Variants in SNX8 observed in about 807,000 individuals in gnomAD.
SNX8 encodes sorting nexin-8.
Under a neutral mutation model 51.6 loss-of-function variants are expected in SNX8, and 25 were observed. That is an observed-to-expected ratio of 0.48 (90% CI 0.35 to 0.68). The LOEUF (loss-of-function observed/expected upper bound fraction) is 0.68, where lower values mean the gene tolerates loss of function less well. Ranked by LOEUF, SNX8 falls within the 30% of genes least tolerant of loss-of-function variation. SNX8 has a pLI of 0.00. For missense variants in SNX8, 695 were observed against 624.0 expected (o/e 1.11, Z -1.21); for synonymous variants, 324 against 277.0 (o/e 1.17, Z -1.68).
intron 1 of SNX8, chr7:2,309,672 G>A (rs775882371): frequency 4.0e-5 from 16 of 400,584 alleles, no homozygotes; most frequent in Non-Finnish European, 5.2e-5. Context: ...AGGAGGTTGC[G>A]GTGAGCCGAG....
chr7:2,310,298 G>A (rs907961320), intron 1 of SNX8, among the ~76,000 whole-genome samples: 33 of 152,032 alleles, frequency 2.2e-4, no homozygotes, highest in African/African-American at 8.0e-4. Flanking sequence ...AGAATGTTCC[G>A]GTCAATCAGA....
chr7:2,321,178 A>T (rs1267354711), intron 1 of SNX8, among the ~76,000 whole-genome samples: 2 of 152,180 alleles, frequency 1.3e-5, no homozygotes, highest in Admixed American at 6.6e-5. Flanking sequence ...CACGCAGAAT[A>T]AAGCCAGGGC....
At chr7:2,275,333 C>T in intron 2 of SNX8, 104 bp from the exon 3 acceptor site, 1 of 774,688 alleles carries the variant, frequency 1.3e-6, no homozygotes, top group African/African-American at 1.7e-5. Flanking sequence ...AGTGCATCTT[C>T]TCTCACCAGG....
intron 5 of SNX8, among the ~76,000 whole-genome samples, chr7:2,267,989 C>T (rs1795516603): frequency 6.7e-6 from 1 of 150,036 alleles, no homozygotes; most frequent in African/African-American, 2.5e-5. Context: ...TGAGGAGCGC[C>T]TCTGCCCGGC....
intron 3 of SNX8, chr7:2,274,875 G>T: frequency 1.9e-6 from 1 of 525,230 alleles, no homozygotes; most frequent in Non-Finnish European, 3.4e-6. Flanking sequence ...TTCCCCACCT[G>T]TCAGTCATGC....
rs529605666 is a variant in SNX8 at position 2,348,588 on chromosome 7, G to A, written c.-66+5634C>T. 2.6e-5 allele frequency among the ~76,000 whole-genome samples: 4 copies of A among 151,574 alleles called. No homozygotes were observed. The East Asian group carries it at 7.9e-4, about 30-fold the overall frequency. The stretch of plus-strand genomic sequence containing the variant: ...GATCTCCTGACCTTGTGATCCACCC[G>A]CCTCAGCCTCCCAAAGTGCTGGGAT... On this transcript the variant is annotated intron_variant, in intron 1 of 5. Transcript: ENST00000435336.
chr7:2,298,690 G>GT (rs1796326720), intron 1 of SNX8, among the ~76,000 whole-genome samples: 1 of 150,700 alleles, frequency 6.6e-6, no homozygotes, highest in Non-Finnish European at 1.5e-5. Context: ...TTTTGTTTTT[G>GT]TTTTTTGTTT....
chr7:2,310,043 C>T (rs1024970737), intron 1 of SNX8: 1 of 368,388 alleles, frequency 2.7e-6, no homozygotes, highest in Non-Finnish European at 5.5e-6. Context: ...GCAAGTGAAG[C>T]GTGACTCACC....
chr7:2,318,612 TTGAACCTGG>T, upstream of SNX8, among the ~76,000 whole-genome samples: 1 of 151,562 alleles, frequency 6.6e-6, no homozygotes, highest in East Asian at 1.9e-4. Flanking sequence ...AGGAGATTGC[TTGAACCTGG>T]GAGGCAGATG....
At position 2,278,226 on chromosome 7, in the gene SNX8, C is replaced by A. The variant is rs539504533; in HGVS notation, c.174G>T (p.Gln58His). Residue 58 changes from glutamine (Q) to histidine (H), a missense_variant, in exon 2 of 11, where the codon CAG becomes CAT. Physicochemically the swap from Gln to His is conservative, Grantham distance 24. Transcript: ENST00000222990. ...TGTGGGACAGCAGCAGCGGGTTCCC[C>A]TGCGGCATCTGCATTCGACTGGGGG... The part of the protein sequence containing the change: ...VPAPSRMQMP[Q>H]GNPLLLSHTL... 6 of 1,612,136 alleles carry A rather than the reference C, an allele frequency of 3.7e-6. No homozygotes were observed. In the African/African-American group the frequency reaches 6.7e-5, roughly 18 times the overall value.
chr7:2,337,923 T>C (rs940831881), intron 1 of SNX8, among the ~76,000 whole-genome samples: 4 of 150,666 alleles, frequency 2.7e-5, no homozygotes, highest in South Asian at 4.2e-4. Flanking sequence ...TTCAAAATTA[T>C]TCCCTTTAAA....
intron 1 of SNX8, among the ~76,000 whole-genome samples, chr7:2,286,659 C>T (rs1453214578): frequency 6.6e-6 from 1 of 151,362 alleles, no homozygotes; most frequent in Non-Finnish European, 1.5e-5. Flanking sequence ...GCCGGGACTA[C>T]AGGCGCCCAC....
At chr7:2,256,488 C>T (rs1440584119) in intron 10 of SNX8, among the ~76,000 whole-genome samples, 1 of 152,278 alleles carries the variant, frequency 6.6e-6, no homozygotes, top group Non-Finnish European at 1.5e-5. Flanking sequence ...CCGCCATCTG[C>T]TCTGGAGGAA....
chr7:2,309,945 A>G, intron 1 of SNX8: 1 of 453,204 alleles, frequency 2.2e-6, no homozygotes, highest in South Asian at 1.6e-5. Context: ...CCTCAATGAC[A>G]CTCAAGGAGT....
chr7:2,289,778 C>A (rs1016634283), intron 1 of SNX8, among the ~76,000 whole-genome samples: 4 of 152,198 alleles, frequency 2.6e-5, no homozygotes, highest in Admixed American at 6.5e-5. Context: ...GCCATTCGGG[C>A]CAGGCACCGT....
rs1795743372 is a variant in SNX8, at chr7:2,275,060, A to G, written c.418+52T>C. The G allele has an allele frequency of 2.4e-6, 3 of 1,231,994 alleles. No homozygotes were observed. In the South Asian group the frequency reaches 3.6e-5, roughly 15 times the overall value. The allele number at this position is 1,231,994 out of a possible 1,614,324, so 76.3% of individuals were successfully genotyped here. A position where few individuals can be genotyped will look rare whatever the true frequency, so the allele number is the denominator to read the frequency against. ...TCCCTGAGCCAGGACCACAGGGTCCAGGAGATGGGCTCGCTCCCTCCGCCC... is the reference window on the plus strand; with the variant it reads ...TCCCTGAGCCAGGACCACAGGGTCCGGGAGATGGGCTCGCTCCCTCCGCCC... On this transcript the variant is annotated intron_variant, in intron 3 of 10. Coordinates refer to ENST00000222990, the MANE Select transcript of SNX8 (RefSeq NM_013321.4).
intron 1 of SNX8, among the ~76,000 whole-genome samples, chr7:2,303,145 G>A (rs1796448291): frequency 6.7e-6 from 1 of 149,180 alleles, no homozygotes; most frequent in Non-Finnish European, 1.5e-5. Flanking sequence ...GCCCCGTCCG[G>A]GAGGTGAGGA....
chr7:2,274,788 G>A (rs1021409735), intron 3 of SNX8, among the ~76,000 whole-genome samples: 1 of 152,148 alleles, frequency 6.6e-6, no homozygotes, highest in Non-Finnish European at 1.5e-5. Context: ...AGCCCTCTCG[G>A]GAGCTCTCGG....
At chr7:2,335,644 T>C (rs1002450733) in intron 1 of SNX8, among the ~76,000 whole-genome samples, 1 of 149,598 alleles carries the variant, frequency 6.7e-6, no homozygotes, top group African/African-American at 2.5e-5. Flanking sequence ...CTACTAAAAA[T>C]AGAAAAAAAT....
Sources: allele counts gnomAD v4.1 joint callset (sites outside exome capture counted in the v4.1 genomes callset), GRCh38; gene constraint gnomAD v4.1.1; transcripts MANE v1.5; gene names NCBI Gene and HGNC (gene_info 2026-07-23, HGNC 2026-07-21).